Variants in KIAA0319L observed in about 807,000 individuals in gnomAD.
KIAA0319L encodes the protein dyslexia-associated protein KIAA0319-like protein.
Under a neutral mutation model 120.1 loss-of-function variants are expected in KIAA0319L, and 55 were observed. The ratio of observed to expected loss-of-function variants is 0.46; its 90% CI spans 0.37 to 0.57. The LOEUF is 0.57. KIAA0319L is among the 20% of genes least tolerant of loss of function. KIAA0319L has a pLI of 0.00. For synonymous variants in KIAA0319L, 398 were observed against 471.9 expected (o/e 0.84, Z 2.03); for missense variants, 1,049 against 1,255.3 (o/e 0.84, Z 2.48).
chr1:35,472,595 G>A (rs891184697), intron 5 of KIAA0319L, among the ~76,000 whole-genome samples: 1 of 148,540 alleles, frequency 6.7e-6, no homozygotes, highest in East Asian at 2.1e-4. Context: ...ACGCCCAGCC[G>A]GACAGTGGTT....
intron 3 of KIAA0319L, among the ~76,000 whole-genome samples, chr1:35,484,789 TATATATATATATATATA>T (rs1363257276): frequency 0.017 from 1,129 of 67,652 alleles, 43 homozygotes; most frequent in African/African-American, 0.057. Context: ...TATATATATA[TATATATATATATATATA>T]TTTTTTTTTT....
chr1:35,549,553 A>G (rs1419469260), intron 2 of KIAA0319L, among the ~76,000 whole-genome samples: 1 of 152,202 alleles, frequency 6.6e-6, no homozygotes, highest in African/African-American at 2.4e-5. Flanking sequence ...AAGTTTTCAT[A>G]GCCAACTGTT....
At chr1:35,539,544 T>G (rs916358498) in intron 2 of KIAA0319L, among the ~76,000 whole-genome samples, 2 of 152,218 alleles carry the variant, frequency 1.3e-5, no homozygotes, top group Non-Finnish European at 2.9e-5. Flanking sequence ...TGAAGTAGAA[T>G]GCACAGGTAG....
At chr1:35,480,033 A>AT (rs1038448522) in intron 3 of KIAA0319L, among the ~76,000 whole-genome samples, 39 of 148,408 alleles carry the variant, frequency 2.6e-4, no homozygotes, top group African/African-American at 9.2e-4. Flanking sequence ...GAAAAGAATG[A>AT]TTTTTTTATT....
intron 6 of KIAA0319L, among the ~76,000 whole-genome samples, chr1:35,470,012 G>T (rs1224072488): frequency 6.6e-6 from 1 of 151,928 alleles, no homozygotes; most frequent in African/African-American, 2.4e-5. Flanking sequence ...GGGACTACAG[G>T]TATGAACCAC....
At chr1:35,489,119 T>C (rs1644496626) in intron 3 of KIAA0319L, among the ~76,000 whole-genome samples, 1 of 151,952 alleles carries the variant, frequency 6.6e-6, no homozygotes, top group African/African-American at 2.4e-5. Flanking sequence ...GGTCCAAACT[T>C]GGGAAGTAAA....
intron 20 of KIAA0319L, chr1:35,435,686 G>A (rs1307028751): frequency 6.6e-6 from 1 of 152,366 alleles, no homozygotes; most frequent in Admixed American, 6.5e-5. Flanking sequence ...GCAGTCCCAA[G>A]CAGCCAAATC....
chr1:35,441,807 G>A (rs895697494), intron 19 of KIAA0319L, among the ~76,000 whole-genome samples: 26 of 152,048 alleles, frequency 1.7e-4, no homozygotes, highest in African/African-American at 5.3e-4. Flanking sequence ...CCTGAGCCTG[G>A]CTAGCCTAAA....
chr1:35,454,608 A>G, intron 10 of KIAA0319L, 123 bp from the exon 11 acceptor site: 1 of 1,471,752 alleles, frequency 6.8e-7, no homozygotes, highest in Non-Finnish European at 9.0e-7. Flanking sequence ...CTGGGCTATT[A>G]CGTACCAGTT....
chr1:35,522,321 C>G (rs1645956736), intron 2 of KIAA0319L, among the ~76,000 whole-genome samples: 1 of 152,030 alleles, frequency 6.6e-6, no homozygotes, highest in Non-Finnish European at 1.5e-5. Flanking sequence ...ACTCTATCAC[C>G]CAGGCTGGAG....
At chr1:35,477,087 T>G (rs935733417) in intron 4 of KIAA0319L, among the ~76,000 whole-genome samples, 1 of 151,804 alleles carries the variant, frequency 6.6e-6, no homozygotes. Flanking sequence ...ACAAACGGGA[T>G]AACATCAAAT....
chr1:35,462,004 C>A (rs1181226423), intron 8 of KIAA0319L, among the ~76,000 whole-genome samples: 1 of 152,024 alleles, frequency 6.6e-6, no homozygotes, highest in Admixed American at 6.6e-5. Flanking sequence ...AAAACAAAAC[C>A]AAAAACCAAG....
At chr1:35,475,372 T>C (rs1361189213) in intron 4 of KIAA0319L, among the ~76,000 whole-genome samples, 2 of 152,204 alleles carry the variant, frequency 1.3e-5, no homozygotes, top group African/African-American at 4.8e-5. Flanking sequence ...ATAAGATACA[T>C]ATATAAAGTT....
intron 3 of KIAA0319L, among the ~76,000 whole-genome samples, chr1:35,502,418 GC>G (rs1645042250): frequency 6.6e-6 from 1 of 150,696 alleles, no homozygotes; most frequent in African/African-American, 2.5e-5. Flanking sequence ...AGTTATTGCT[GC>G]TGTCATCATC....
chr1:35,491,944 C>A (rs1386697779), intron 3 of KIAA0319L, among the ~76,000 whole-genome samples: 2 of 152,158 alleles, frequency 1.3e-5, no homozygotes, highest in Non-Finnish European at 2.9e-5. Context: ...CCAAAACTCA[C>A]TCAAGAAGAA....
chr1:35,457,151 A>T (rs1002420015), intron 9 of KIAA0319L, among the ~76,000 whole-genome samples: 1 of 152,142 alleles, frequency 6.6e-6, no homozygotes, highest in Non-Finnish European at 1.5e-5. Context: ...CCAGTTTTAT[A>T]AGAGGCTTAG....
intron 3 of KIAA0319L, among the ~76,000 whole-genome samples, chr1:35,480,668 G>GCT (rs1252392525): frequency 6.6e-6 from 1 of 152,050 alleles, no homozygotes; most frequent in African/African-American, 2.4e-5. Flanking sequence ...TGTAGTCCCA[G>GCT]CTACTCAGGA....
intron 3 of KIAA0319L, among the ~76,000 whole-genome samples, chr1:35,502,131 T>C (rs1176288868): frequency 1.3e-5 from 2 of 151,060 alleles, no homozygotes; most frequent in Admixed American, 1.3e-4. Flanking sequence ...ACAAAAAAAG[T>C]CGCTGGGTGT....
chr1:35,544,601 T>C (rs1026051663), intron 2 of KIAA0319L, among the ~76,000 whole-genome samples: 5 of 152,160 alleles, frequency 3.3e-5, no homozygotes, highest in African/African-American at 1.2e-4. Context: ...TTCCCTAACA[T>C]GTATATTCCA....
Sources: allele counts gnomAD v4.1 joint callset (sites outside exome capture counted in the v4.1 genomes callset), GRCh38; gene constraint gnomAD v4.1.1; transcripts MANE v1.5; gene names NCBI Gene and HGNC (gene_info 2026-07-23, HGNC 2026-07-21).